Variants in PHACTR4 observed in about 807,000 individuals in gnomAD.
PHACTR4 encodes the protein protein phosphatase 1, regulatory subunit 124.
Under a neutral mutation model 72.7 loss-of-function variants are expected in PHACTR4, and 51 were observed. The ratio of observed to expected loss-of-function variants is 0.70; its 90% CI spans 0.56 to 0.89. The LOEUF (loss-of-function observed/expected upper bound fraction) is 0.89, where lower values mean the gene tolerates loss of function less well. Ranked by LOEUF, PHACTR4 falls within the 40% of genes least tolerant of loss-of-function variation. PHACTR4 has a pLI of 0.00. For missense variants in PHACTR4, 731 were observed against 861.8 expected, an observed-to-expected ratio of 0.85 and a Z score of 1.90; for synonymous variants, 255 against 302.5, an observed-to-expected ratio of 0.84 and a Z score of 1.63.
At chr1:28,411,835 A>G (rs935385096) in intron 2 of PHACTR4, among the ~76,000 whole-genome samples, 3 of 151,922 alleles carry the variant, frequency 2.0e-5, no homozygotes, top group Non-Finnish European at 4.4e-5. Context: ...AAAAAAAGAA[A>G]ACAGAAACCA....
chr1:28,369,810 G>A lies in PHACTR4; in HGVS notation c.-54G>A. ...AGGCTGCTGTGGAGGCTGAGGAGGC[G>A]GCGGCGGAGATCTGGGTAAGTTCAG... On this transcript the variant is annotated 5_prime_UTR_variant, in exon 1 of 14. Coordinates refer to ENST00000373839, the MANE Select transcript of PHACTR4 (RefSeq NM_001048183.3). 2.2e-6 allele frequency: 1 copy of A among 459,174 alleles called. No homozygotes were observed. Among genetic ancestry groups the A allele is most frequent in the South Asian group, 1.6e-5 (1 of 64,346 alleles). 28.4% of individuals were successfully genotyped at this position (459,174 alleles called of 1,614,324 possible).
At chr1:28,371,049 G>T (rs1039129669) in intron 1 of PHACTR4, among the ~76,000 whole-genome samples, 1 of 152,214 alleles carries the variant, frequency 6.6e-6, no homozygotes, top group Admixed American at 6.5e-5. Context: ...CTAGATAATG[G>T]TAACTGTGTA....
chr1:28,499,553 C>T lies in PHACTR4; in HGVS notation c.*3004C>T, dbSNP rs895944622. 3 of 152,250 alleles carry T rather than the reference C, an allele frequency of 2.0e-5. No homozygotes were observed. The highest frequency in any genetic ancestry group is 2.0e-4 in the Admixed American group (3 of 15,256). The allele number at this position is 152,250 out of a possible 1,614,324, so 9.4% of individuals were successfully genotyped here. ...GGAGTGCAGTGGCACAATCTTGGCT[C>T]AGAGCAACCTCTGCCTCCCAGGCTC... On this transcript the variant is annotated 3_prime_UTR_variant, in exon 14 of 14. Transcript: ENST00000373839.
chr1:28,400,851 A>T (rs1653891774), intron 1 of PHACTR4, among the ~76,000 whole-genome samples: 1 of 152,192 alleles, frequency 6.6e-6, no homozygotes, highest in South Asian at 2.1e-4. Context: ...CAGTGCTGGG[A>T]TTACAGGCAT....
chr1:28,443,576 T>C (rs1657208623), intron 2 of PHACTR4, among the ~76,000 whole-genome samples: 1 of 151,946 alleles, frequency 6.6e-6, no homozygotes. Context: ...GCCTCCTAAG[T>C]AGCTGGGACT....
intron 1 of PHACTR4, among the ~76,000 whole-genome samples, chr1:28,378,764 TAGG>T (rs1651907811): frequency 6.6e-6 from 1 of 151,702 alleles, no homozygotes; most frequent in South Asian, 2.1e-4. Context: ...GAAGAAGTCT[TAGG>T]AGGAAATAGA....
chr1:28,455,198 C>CTTTCTTTTTTTTTTTTTTTTTTTTTT (rs1250815977), intron 2 of PHACTR4, among the ~76,000 whole-genome samples: 1 of 85,974 alleles, frequency 1.2e-5, no homozygotes, highest in African/African-American at 5.6e-5. Context: ...TTCTTTCTTT[C>CTTTCTTTTTTTTTTTTTTTTTTTTTT]TTTTTTTTTT....
chr1:28,436,741 G>C (rs61783843), intron 2 of PHACTR4, among the ~76,000 whole-genome samples: 39,468 of 152,048 alleles, frequency 0.26, 5,268 homozygotes, highest in Middle Eastern at 0.35. Flanking sequence ...TTATCAAGCT[G>C]TATCCTTAAT....
chr1:28,393,163 A>C (rs1443622511), intron 1 of PHACTR4, among the ~76,000 whole-genome samples: 1 of 151,618 alleles, frequency 6.6e-6, no homozygotes, highest in Non-Finnish European at 1.5e-5. Context: ...GTTAAACAAA[A>C]TATGGCACAA....
intron 6 of PHACTR4, among the ~76,000 whole-genome samples, chr1:28,469,296 T>C (rs1045775023): frequency 3.3e-5 from 5 of 152,192 alleles, no homozygotes; most frequent in Admixed American, 3.3e-4. Context: ...TTTTTGTTAT[T>C]GTTTTGGTCA....
In PHACTR4 at chr1:28,491,860, A is replaced by G; in HGVS notation, c.2016+73A>G. 3 of 1,498,044 alleles carry G rather than the reference A, an allele frequency of 2.0e-6. No individual in the cohort carries two copies. In the South Asian group the frequency reaches 4.0e-5, roughly 20 times the overall value. The allele number at this position is 1,498,044 out of a possible 1,614,324, so 92.8% of individuals were successfully genotyped here. A position where few individuals can be genotyped will look rare whatever the true frequency, so the allele number is the denominator to read the frequency against. On this transcript the variant is annotated intron_variant, in intron 12 of 13. Coordinates refer to ENST00000373839, the MANE Select transcript of PHACTR4 (RefSeq NM_001048183.3). The stretch of plus-strand genomic sequence containing the variant: ...TTTATTTGGAGGATCCAAGATACTA[A>G]CTAGAAGGGAGAACCATAAACAAAA...
chr1:28,465,508 C>G (rs923028944), intron 4 of PHACTR4, among the ~76,000 whole-genome samples, 177 bp from the exon 5 acceptor site: 1 of 152,030 alleles, frequency 6.6e-6, no homozygotes, highest in African/African-American at 2.4e-5. Flanking sequence ...CCTAGCACTT[C>G]GGGAGACCAA....
chr1:28,496,205 C>T (rs1040659594), intron 13 of PHACTR4, among the ~76,000 whole-genome samples: 4 of 151,652 alleles, frequency 2.6e-5, no homozygotes, highest in Admixed American at 1.3e-4. Context: ...TACAGGTGCG[C>T]GCCACCACGC....
intron 6 of PHACTR4, 103 bp from the exon 7 acceptor site, chr1:28,473,451 C>T: frequency 1.2e-6 from 1 of 853,360 alleles, no homozygotes; most frequent in Non-Finnish European, 1.9e-6. Flanking sequence ...ATTTAACTTG[C>T]TTAAAAGATT....
intron 2 of PHACTR4, among the ~76,000 whole-genome samples, chr1:28,439,995 A>G (rs1388267645): frequency 2.6e-5 from 4 of 152,258 alleles, no homozygotes; most frequent in African/African-American, 7.2e-5. Flanking sequence ...TAAGATCTAT[A>G]TACTGTATTA....
chr1:28,409,571 C>T (rs1227137754), intron 2 of PHACTR4, among the ~76,000 whole-genome samples: 1 of 152,144 alleles, frequency 6.6e-6, no homozygotes, highest in Non-Finnish European at 1.5e-5. Context: ...AGGAAGCATC[C>T]GATTCAAGCA....
rs57186471 is a variant in PHACTR4 at position 28,409,951 on chromosome 1, A to ATTTTTT, written c.16+2517_16+2522dup. On this transcript the variant is annotated intron_variant, in intron 2 of 13. Coordinates refer to ENST00000373839, the MANE Select transcript of PHACTR4 (RefSeq NM_001048183.3). ...GAGGGCAGTCTGTACTTCTTCATAA[A>ATTTTTT]TTTTTTTTTTTTTTTTTTTTTTTTT... Among the ~76,000 whole-genome samples the ATTTTTT allele has an allele frequency of 1.5e-3, 98 of 66,364 alleles. 8 individuals are homozygous for ATTTTTT. Among genetic ancestry groups the ATTTTTT allele is most frequent in the African/African-American group, 3.7e-3 (58 of 15,670 alleles). 43.5% of individuals were successfully genotyped at this position (66,364 alleles called of 152,430 possible).
At chr1:28,419,710 G>T (rs1655387454) in intron 2 of PHACTR4, among the ~76,000 whole-genome samples, 1 of 152,008 alleles carries the variant, frequency 6.6e-6, no homozygotes, top group Admixed American at 6.6e-5. Context: ...AACTCTTCTA[G>T]TTAAAAGCTT....
intron 9 of PHACTR4, among the ~76,000 whole-genome samples, chr1:28,486,559 G>A (rs913113913): frequency 2.6e-5 from 4 of 151,120 alleles, no homozygotes; most frequent in African/African-American, 7.3e-5. Context: ...TTGTTTTTCC[G>A]AAGAACATTT....
Sources: gnomAD v4.1 joint callset for allele counts (sites outside exome capture counted in the v4.1 genomes callset) on GRCh38, gnomAD v4.1.1 for gene constraint, MANE v1.5 for transcripts, NCBI Gene and HGNC (gene_info 2026-07-23, HGNC 2026-07-21) for gene names.